SDC3: variants seen among roughly 807,000 people sequenced by gnomAD.
SDC3 encodes syndecan 3, also known as syndecan-3.
Under a neutral mutation model 24.4 loss-of-function variants are expected in SDC3, and 13 were observed. The observed-to-expected ratio is 0.53, with a 90% CI of 0.35 to 0.85. The LOEUF (loss-of-function observed/expected upper bound fraction) is 0.85, where lower values mean the gene tolerates loss of function less well. Ranked by LOEUF, SDC3 falls within the 40% of genes least tolerant of loss-of-function variation. The pLI is 0.01. For synonymous variants in SDC3, 295 were observed against 260.9 expected (o/e 1.13, Z -1.26); for missense variants, 571 against 584.5 (o/e 0.98, Z 0.24).
chr1:30,883,909 G>A (rs979232383), intron 1 of SDC3, among the ~76,000 whole-genome samples: 14 of 152,118 alleles, frequency 9.2e-5, no homozygotes, highest in South Asian at 2.1e-4. Flanking sequence ...TGCAGGCTCC[G>A]TCCCCAAAAA....
At chr1:30,895,123 T>C (rs947649) in intron 1 of SDC3, among the ~76,000 whole-genome samples, 1 of 151,846 alleles carries the variant, frequency 6.6e-6, no homozygotes, top group Non-Finnish European at 1.5e-5. Flanking sequence ...GGGACAGCAG[T>C]TGGGGGACTC....
Position 30,872,083 on chromosome 1 carries a change from G to A in SDC3, c.*1128C>T, listed in dbSNP as rs1289192968. ...AGACTGTGCATCCACATGGGATTGT[G>A]TCTGACACTGGCTGGGGTTGGCGGC... On this transcript the variant is annotated 3_prime_UTR_variant, in exon 5 of 5. Transcript: ENST00000339394. The A allele has an allele frequency of 6.6e-6, 1 of 152,500 alleles. No individual in the cohort carries two copies. The highest frequency in any genetic ancestry group is 1.9e-4 in the East Asian group (1 of 5,204). The allele number at this position is 152,500 out of a possible 1,614,324, so 9.4% of individuals were successfully genotyped here.
intron 1 of SDC3, among the ~76,000 whole-genome samples, chr1:30,882,459 C>T (rs1296754522): frequency 6.6e-6 from 1 of 152,220 alleles, no homozygotes; most frequent in African/African-American, 2.4e-5. Context: ...TCCACTCCCA[C>T]CGATCCTCTC....
At chr1:30,884,899 T>C (rs538708167) in intron 1 of SDC3, among the ~76,000 whole-genome samples, 1 of 152,310 alleles carries the variant, frequency 6.6e-6, no homozygotes, top group Non-Finnish European at 1.5e-5. Context: ...AACCATAACA[T>C]GGAATATTAC....
intron 1 of SDC3, among the ~76,000 whole-genome samples, chr1:30,898,923 T>C (rs1638344357): frequency 6.6e-6 from 1 of 152,166 alleles, no homozygotes; most frequent in South Asian, 2.1e-4. Context: ...GGGGAATGTA[T>C]AATAATTAAA....
At chr1:30,905,389 G>A (rs892343057) in intron 1 of SDC3, among the ~76,000 whole-genome samples, 53 of 93,378 alleles carry the variant, frequency 5.7e-4, no homozygotes, top group Non-Finnish European at 5.4e-4. Flanking sequence ...ACACACACAC[G>A]TCTCCCACCC....
At chr1:30,894,207 G>C (rs988968271) in intron 1 of SDC3, among the ~76,000 whole-genome samples, 4 of 150,760 alleles carry the variant, frequency 2.7e-5, no homozygotes, top group Admixed American at 1.3e-4. Context: ...GTGTGCATGA[G>C]AGTGTGTGTG....
At chr1:30,877,258 T>A in intron 2 of SDC3, 93 bp from the exon 3 acceptor site, 1 of 1,508,558 alleles carries the variant, frequency 6.6e-7, no homozygotes, top group Non-Finnish European at 9.1e-7. Flanking sequence ...CAAGATTAGG[T>A]CTCCCAACCC....
At chr1:30,900,121 C>T (rs1389883354) in intron 1 of SDC3, among the ~76,000 whole-genome samples, 1 of 152,190 alleles carries the variant, frequency 6.6e-6, no homozygotes, top group Non-Finnish European at 1.5e-5. Flanking sequence ...GCTCCAGGCT[C>T]AGAGTCCTGC....
chr1:30,894,780 C>T (rs1031038667), intron 1 of SDC3, among the ~76,000 whole-genome samples: 1 of 151,780 alleles, frequency 6.6e-6, no homozygotes, highest in African/African-American at 2.4e-5. Context: ...CACATCCAAG[C>T]ACATTCAGGG....
chr1:30,881,429 C>T (rs1026257384), intron 1 of SDC3: 2 of 152,952 alleles, frequency 1.3e-5, no homozygotes, highest in African/African-American at 4.8e-5. Flanking sequence ...CGCTCCTAGA[C>T]ATCACCCTCG....
chr1:30,893,336 A>C (rs1273926456), intron 1 of SDC3, among the ~76,000 whole-genome samples: 1 of 82,450 alleles, frequency 1.2e-5, no homozygotes, highest in East Asian at 4.8e-4. Context: ...TCATGACCAA[A>C]CATTTGTCAA....
At chr1:30,875,140 C>T (rs1639615557) in intron 3 of SDC3, among the ~76,000 whole-genome samples, 1 of 152,206 alleles carries the variant, frequency 6.6e-6, no homozygotes, top group Non-Finnish European at 1.5e-5. Flanking sequence ...ATCTCTAGGG[C>T]TCCCACCACT....
At chr1:30,877,286 T>G in intron 2 of SDC3, 121 bp from the exon 3 acceptor site, 1 of 1,320,000 alleles carries the variant, frequency 7.6e-7, no homozygotes, top group Non-Finnish European at 1.1e-6. Context: ...TTACCCAATT[T>G]TCCCAGAAAA....
At position 30,879,073 on chromosome 1, in the gene SDC3, C is replaced by T. The variant is rs1188444273; in HGVS notation, c.139-333G>A. 2.6e-5 allele frequency: 6 copies of T among 227,030 alleles called. No homozygotes were observed. The East Asian group carries it at 4.1e-4, about 16-fold the overall frequency. 14.1% of individuals were successfully genotyped at this position (227,030 alleles called of 1,614,324 possible). A position where few individuals can be genotyped will look rare whatever the true frequency, so the allele number is the denominator to read the frequency against. On this transcript the variant is annotated intron_variant, in intron 1 of 4. Coordinates refer to ENST00000339394, the MANE Select transcript of SDC3 (RefSeq NM_014654.4). ...AGGTCTGGGGTGGTCTCTGAGCAGCCGCAATGTTGGGCTGGCTGTGGGGAG... is the reference window on the plus strand; with the variant it reads ...AGGTCTGGGGTGGTCTCTGAGCAGCTGCAATGTTGGGCTGGCTGTGGGGAG...
chr1:30,901,422 G>A (rs1430270200), intron 1 of SDC3, among the ~76,000 whole-genome samples: 1 of 152,224 alleles, frequency 6.6e-6, no homozygotes, highest in African/African-American at 2.4e-5. Flanking sequence ...AAAGCACCCA[G>A]TCTCACCAAG....
At chr1:30,889,358 G>T (rs975877316) in intron 1 of SDC3, among the ~76,000 whole-genome samples, 9 of 152,278 alleles carry the variant, frequency 5.9e-5, no homozygotes, top group African/African-American at 2.2e-4. Context: ...GGCCCAGAGG[G>T]TCATAAGGAC....
Position 30,873,193 on chromosome 1 carries a change from G to A in SDC3, c.*18C>T. On this transcript the variant is annotated 3_prime_UTR_variant, in exon 5 of 5. Transcript: ENST00000339394. ...CAGCAGGGTGGTGTTGAGGCTGCAG[G>A]GAGGCACTGTGGCTCCACTAGGCAT... 1 of 1,599,520 alleles carries A rather than the reference G, an allele frequency of 6.3e-7. No homozygotes were observed. The highest frequency in any genetic ancestry group is 8.6e-7 in the Non-Finnish European group (1 of 1,167,118).
rs962978874 is a variant in SDC3, at chr1:30,873,044, C to T, written c.*167G>A. ...GCAGATGGCAGCAGCCCCTCTTCCT[C>T]GGGGAAGATCTGTGTGAGGCTGGCA... is the stretch of plus-strand genomic sequence containing the variant. On this transcript the variant is annotated 3_prime_UTR_variant, in exon 5 of 5. Transcript: ENST00000339394. 9 of 640,970 alleles carry T rather than the reference C, an allele frequency of 1.4e-5. No individual in the cohort carries two copies. Among genetic ancestry groups the T allele is most frequent in the African/African-American group, 5.4e-5 (3 of 55,118 alleles). 39.7% of individuals were successfully genotyped at this position (640,970 alleles called of 1,614,324 possible). A position where few individuals can be genotyped will look rare whatever the true frequency, so the allele number is the denominator to read the frequency against.
Sources: gnomAD v4.1 joint callset for allele counts (sites outside exome capture counted in the v4.1 genomes callset) on GRCh38, gnomAD v4.1.1 for gene constraint, MANE v1.5 for transcripts, NCBI Gene and HGNC (gene_info 2026-07-23, HGNC 2026-07-21) for gene names.